The following ECE1 variants were observed in gnomAD, a reference collection of about 807,000 sequenced individuals.
The protein encoded by ECE1 is endothelin converting enzyme 1.
A neutral mutation model predicts 98.6 loss-of-function variants in ECE1; 35 were observed. The ratio of observed to expected loss-of-function variants is 0.35; its 90% CI spans 0.27 to 0.47. The LOEUF is 0.47. Ranked by LOEUF, ECE1 falls within the 20% of genes least tolerant of loss-of-function variation. The pLI is 1.00. For synonymous variants in ECE1, 394 were observed against 407.1 expected, an observed-to-expected ratio of 0.97 and a Z score of 0.39; for missense variants, 814 against 1,025.3, an observed-to-expected ratio of 0.79 and a Z score of 2.81.
intron 10 of ECE1, among the ~76,000 whole-genome samples, chr1:21,239,895 G>A (rs765213706): frequency 3.3e-5 from 5 of 152,142 alleles, no homozygotes; most frequent in Non-Finnish European, 7.3e-5. Flanking sequence ...TTGAGGCCAA[G>A]TGTGGTGGCT....
At chr1:21,330,226 CTTTTTTTTTTTTTT>C (rs71014186) in intron 1 of ECE1, among the ~76,000 whole-genome samples, 940 of 43,400 alleles carry the variant, frequency 0.022, 33 homozygotes, top group African/African-American at 0.072. Context: ...TCGCCAAATA[CTTTTTTTTTTTTTT>C]TTTTTTTTTT....
At chr1:21,222,155 CCACATCGTGTGTGTGCATGCACACACA>C in intron 17 of ECE1, 1 of 417,546 alleles carries the variant, frequency 2.4e-6, no homozygotes, top group Non-Finnish European at 4.5e-6. Flanking sequence ...ATAAACAGAG[CCACATCGTGTGTGTGCATGCACACACA>C]CACACATACA....
intron 8 of ECE1, among the ~76,000 whole-genome samples, chr1:21,255,243 G>A (rs750994301): frequency 2.0e-5 from 3 of 152,208 alleles, no homozygotes; most frequent in Non-Finnish European, 4.4e-5. Flanking sequence ...GCAAGGCCTG[G>A]CCACGCATTC....
chr1:21,221,333 C>CT (rs869257514), intron 18 of ECE1, among the ~76,000 whole-genome samples: 12 of 151,544 alleles, frequency 7.9e-5, no homozygotes, highest in Admixed American at 4.0e-4. Context: ...CCATGCCTGA[C>CT]TTTTTTTTTG....
chr1:21,332,819 A>C (rs1569780082), intron 1 of ECE1, among the ~76,000 whole-genome samples: 1 of 27,526 alleles, frequency 3.6e-5, no homozygotes, highest in Non-Finnish European at 7.0e-5. Flanking sequence ...GTTAGAGGGA[A>C]GGGGGCTGCG....
At position 21,260,521 on chromosome 1, in the gene ECE1, T is replaced by A; in HGVS notation, c.494-129A>T. ...GAGCTCTGACATCTGCCTGTCGGAG[T>A]GGCAGTGAGGAATGCCGTCACCGTG... is the stretch of plus-strand genomic sequence containing the variant. On this transcript the variant is annotated intron_variant, in intron 4 of 18. Transcript: ENST00000374893. The surrounding 1 kb of genome is among the most constrained non-coding windows in gnomAD (Gnocchi z 4.3). 1 of 1,229,056 alleles carries A rather than the reference T, an allele frequency of 8.1e-7. No homozygotes were observed. The highest frequency in any genetic ancestry group is 1.2e-6 in the Non-Finnish European group (1 of 842,684). 76.1% of individuals were successfully genotyped at this position (1,229,056 alleles called of 1,614,324 possible).
At chr1:21,297,560 C>A (rs1378328301) in intron 1 of ECE1, among the ~76,000 whole-genome samples, 1 of 134,118 alleles carries the variant, frequency 7.5e-6, no homozygotes, top group Non-Finnish European at 1.6e-5. Flanking sequence ...GAGACAGAAT[C>A]TCACTCTGTC....
Position 21,248,143 on chromosome 1 carries a change from C to T in ECE1, c.1021-780G>A, listed in dbSNP as rs748506973. Among the ~76,000 whole-genome samples, 4 of 151,802 alleles carry T rather than the reference C, an allele frequency of 2.6e-5. No homozygotes were observed. In the South Asian group the frequency reaches 6.2e-4, roughly 24 times the overall value. On this transcript the variant is annotated intron_variant, in intron 8 of 18. Coordinates refer to ENST00000374893, the MANE Select transcript of ECE1 (RefSeq NM_001397.3). ...AAGAAAGGAAAAGCCCTCAGCTCAG[C>T]TAATGCACACAGCAGGCTGGTCAGC... is the stretch of plus-strand genomic sequence containing the variant.
At chr1:21,341,866 G>A (rs946520474) in intron 1 of ECE1, among the ~76,000 whole-genome samples, 1 of 151,762 alleles carries the variant, frequency 6.6e-6, no homozygotes, top group Non-Finnish European at 1.5e-5. Context: ...TTGAACTCCC[G>A]GCCTCAAGTG....
At position 21,279,320 on chromosome 1, in the gene ECE1, T is replaced by A. The variant is rs748739216; in HGVS notation, c.151A>T (p.Ser51Cys). 6.2e-7 allele frequency: 1 copy of A among 1,614,116 alleles called. No individual in the cohort carries two copies. The highest frequency in any genetic ancestry group is 1.1e-5 in the South Asian group (1 of 91,080). The change falls in exon 3 of 19, where the codon AGC becomes TGC. Residue 51 changes from serine (S) to cysteine (C), a missense_variant. Physicochemically the swap from Ser to Cys is moderately radical, Grantham distance 112. This residue lies in a region of ECE1 where 257 missense variants were observed against 278.9 expected (regional missense o/e 0.92). Coordinates refer to ENST00000374893, the MANE Select transcript of ECE1 (RefSeq NM_001397.3). ...CAGCACCTCTGGCCACTCCGGGGGC[T>A]GTGGAAGTTCACCTGCAGGGAAGGA... ...YPNGLQVNFH[S>C]PRSGQRCWAA...
At chr1:21,277,538 C>T (rs992076107) in intron 3 of ECE1, among the ~76,000 whole-genome samples, 1 of 152,122 alleles carries the variant, frequency 6.6e-6, no homozygotes, top group African/African-American at 2.4e-5. Flanking sequence ...GAGAGGATGA[C>T]GAGCTTGTGT....
In ECE1 at chr1:21,245,246, T is replaced by G. The variant is rs1282102210; in HGVS notation, c.1164-143A>C. The G allele has an allele frequency of 4.2e-6, 3 of 719,616 alleles. No homozygotes were observed. The East Asian group carries it at 8.1e-5, about 19-fold the overall frequency. The allele number at this position is 719,616 out of a possible 1,614,324, so 44.6% of individuals were successfully genotyped here. On this transcript the variant is annotated intron_variant, in intron 9 of 18. Transcript: ENST00000374893. ...AGCCTGCGGGGGCTTGGTGGGTTAC[T>G]GCTCCCTAAGCACGTGCAATGTAAG... is the stretch of plus-strand genomic sequence containing the variant.
rs923001251 is a variant in ECE1 at position 21,322,908 on chromosome 1, A to G, written c.3+22468T>C. On this transcript the variant is annotated intron_variant, in intron 1 of 18. Transcript: ENST00000415912. This position sits in a 1 kb window ranked among gnomAD's most constrained non-coding sequence, Gnocchi z 4.1. Reference sequence around the variant, plus strand: ...AACCCCTCACTGGGGCTTTGGAGGGAGGGCAGGTCCCAGGGCTCAGGGGTT... The same window carrying G: ...AACCCCTCACTGGGGCTTTGGAGGGGGGGCAGGTCCCAGGGCTCAGGGGTT... Among the ~76,000 whole-genome samples, 16 of 152,048 alleles carry G rather than the reference A, an allele frequency of 1.1e-4. No homozygotes were observed. Among genetic ancestry groups the G allele is most frequent in the African/African-American group, 3.6e-4 (15 of 41,420 alleles).
chr1:21,294,163 G>C (rs1002599573), upstream of ECE1: 23 of 152,704 alleles, frequency 1.5e-4, no homozygotes, highest in African/African-American at 5.3e-4. This position sits in a 1 kb window ranked among gnomAD's most constrained non-coding sequence, Gnocchi z 4.2. Context: ...CCTGGGTCCT[G>C]GACTCTTGGT....
intron 4 of ECE1, among the ~76,000 whole-genome samples, chr1:21,270,784 T>C (rs1569587866): frequency 6.6e-6 from 1 of 152,116 alleles, no homozygotes; most frequent in African/African-American, 2.4e-5. Flanking sequence ...ACTGTACTCA[T>C]GAGAAAACAA....
intron 3 of ECE1, among the ~76,000 whole-genome samples, chr1:21,273,986 G>A (rs1159952998): frequency 6.6e-6 from 1 of 152,236 alleles, no homozygotes; most frequent in African/African-American, 2.4e-5. Context: ...TGACTGTGCA[G>A]GATCGAGAAT....
chr1:21,251,206 G>A (rs954860035), intron 8 of ECE1, among the ~76,000 whole-genome samples: 2 of 151,672 alleles, frequency 1.3e-5, no homozygotes, highest in African/African-American at 2.4e-5. Context: ...AGGCAGTGGC[G>A]TGCTGGTAAA....
At chr1:21,323,337 G>A (rs1166566002) in intron 1 of ECE1, among the ~76,000 whole-genome samples, 1 of 152,136 alleles carries the variant, frequency 6.6e-6, no homozygotes, top group Non-Finnish European at 1.5e-5. Context: ...CTGACTGCAG[G>A]CCGGATACTC....
intron 1 of ECE1, chr1:21,299,310 C>T (rs1247353124): frequency 5.6e-6 from 1 of 180,176 alleles, no homozygotes; most frequent in Non-Finnish European, 1.2e-5. Flanking sequence ...TGCCAGCCAA[C>T]TCATGTGGTT....
Sources: gnomAD v4.1 joint callset for allele counts (sites outside exome capture counted in the v4.1 genomes callset) on GRCh38, gnomAD v4.1.1 for gene constraint, gnomAD v4.1.1 regional missense constraint, Gnocchi (gnomAD v3.1) non-coding constraint, MANE v1.5 for transcripts, NCBI Gene and HGNC (gene_info 2026-07-23, HGNC 2026-07-21) for gene names.